The following RALYL variants were observed in gnomAD, a reference collection of about 807,000 sequenced individuals.
The protein encoded by RALYL is RALY RNA binding protein like, also known as RNA-binding Raly-like protein.
RALYL carries 29 observed loss-of-function variants against 35.1 expected under a neutral mutation model. That is an observed-to-expected ratio of 0.83 (90% confidence interval 0.61 to 1.13). The LOEUF is 1.13. RALYL is among the 50% of genes most tolerant of loss of function. The pLI is 0.00. For missense variants in RALYL, 359 were observed against 360.4 expected, an observed-to-expected ratio of 1.00 and a Z score of 0.03; for synonymous variants, 120 against 127.6, an observed-to-expected ratio of 0.94 and a Z score of 0.40.
rs940971773 is a variant in RALYL, at chr8:84,464,085, T to G, written c.-23-65214T>G. On this transcript the variant is annotated intron_variant, in intron 1 of 8. Coordinates refer to ENST00000521268, the MANE Select transcript of RALYL (RefSeq NM_173848.7). ...TTTTATTAATATATTTTTAAAGTTTTTAATTTTATTGAAGTCCAGATCATT... is the reference window on the plus strand; with the variant it reads ...TTTTATTAATATATTTTTAAAGTTTGTAATTTTATTGAAGTCCAGATCATT... Among the ~76,000 whole-genome samples the G allele has an allele frequency of 4.0e-5, 6 of 151,882 alleles. No homozygotes were observed. The South Asian group carries it at 6.2e-4, about 16-fold the overall frequency.
chr8:84,437,499 T>A (rs1031292253), intron 1 of RALYL, among the ~76,000 whole-genome samples: 1 of 152,164 alleles, frequency 6.6e-6, no homozygotes, highest in East Asian at 1.9e-4. Context: ...CCCATTTCTT[T>A]GCAGCCTCAC....
chr8:84,498,845 A>T (rs190848856), intron 1 of RALYL, among the ~76,000 whole-genome samples: 41 of 152,272 alleles, frequency 2.7e-4, no homozygotes, highest in Admixed American at 2.6e-3. Context: ...GTTAGAAAAA[A>T]TTTTAATAAC....
At chr8:84,893,884 G>A (rs1309728116) in intron 8 of RALYL, among the ~76,000 whole-genome samples, 1 of 152,186 alleles carries the variant, frequency 6.6e-6, no homozygotes, top group Non-Finnish European at 1.5e-5. Flanking sequence ...AATCTAGCAA[G>A]AATCCACAGT....
rs147456028 is a variant in RALYL at position 84,241,407 on chromosome 8, G to C, written c.-24+56983G>C. Among the ~76,000 whole-genome samples the C allele has an allele frequency of 1.2e-3, 178 of 152,206 alleles. 1 individual carries two copies. The Middle Eastern group carries it at 0.02, about 17-fold the overall frequency. ...AAGCACTGAAAAGCTCTGTGTGCTT[G>C]GTGTGGCGGCTGGAGAATGAAGAGA... On this transcript the variant is annotated intron_variant, in intron 1 of 8. Transcript: ENST00000521268.
intron 1 of RALYL, among the ~76,000 whole-genome samples, chr8:84,519,597 T>A (rs539559934): frequency 1.3e-5 from 2 of 152,354 alleles, no homozygotes; most frequent in South Asian, 4.1e-4. Flanking sequence ...CAATGGCAGA[T>A]ATACCCTAAG....
intron 1 of RALYL, among the ~76,000 whole-genome samples, chr8:84,220,084 C>T (rs1031170967): frequency 2.6e-5 from 4 of 151,940 alleles, no homozygotes; most frequent in African/African-American, 7.2e-5. Context: ...TCCTGAGTTG[C>T]GTAATTTGGA....
At chr8:84,382,897 G>A (rs1858324809) in intron 1 of RALYL, among the ~76,000 whole-genome samples, 1 of 151,568 alleles carries the variant, frequency 6.6e-6, no homozygotes, top group Non-Finnish European at 1.5e-5. Flanking sequence ...GCCACCTTAC[G>A]TGATTGTAGG....
intron 1 of RALYL, among the ~76,000 whole-genome samples, chr8:84,503,694 CA>C (rs2056909802): frequency 6.6e-6 from 1 of 151,680 alleles, no homozygotes. Flanking sequence ...ACTAAAAATA[CA>C]AAAATTAGCC....
intron 8 of RALYL, among the ~76,000 whole-genome samples, chr8:84,891,533 G>C (rs967063442): frequency 6.6e-6 from 1 of 152,114 alleles, no homozygotes. Context: ...GAAAATAGCT[G>C]ATTAGAACTG....
chr8:84,460,794 G>A (rs1300310280), intron 1 of RALYL, among the ~76,000 whole-genome samples: 1 of 151,070 alleles, frequency 6.6e-6, no homozygotes, highest in African/African-American at 2.4e-5. Flanking sequence ...ATTACTATGG[G>A]GTAATTTTTA....
At chr8:84,817,754 T>A (rs1250874832) in intron 4 of RALYL, among the ~76,000 whole-genome samples, 3 of 151,834 alleles carry the variant, frequency 2.0e-5, no homozygotes, top group Non-Finnish European at 4.4e-5. Context: ...GGGGTCTCAC[T>A]GTGTTGGACA....
At chr8:84,667,731 T>C (rs769701019) in intron 2 of RALYL, among the ~76,000 whole-genome samples, 25 of 152,118 alleles carry the variant, frequency 1.6e-4, no homozygotes, top group Non-Finnish European at 2.1e-4. Context: ...CCGGTCATCA[T>C]TGATAACTTC....
intron 4 of RALYL, among the ~76,000 whole-genome samples, chr8:84,830,618 T>C (rs1459563519): frequency 6.6e-6 from 1 of 152,148 alleles, no homozygotes; most frequent in Non-Finnish European, 1.5e-5. Flanking sequence ...TCCTCAGCTG[T>C]AAATAATATT....
rs1238404472 is a variant in RALYL at position 84,436,753 on chromosome 8, C to A, written c.-23-92546C>A. 2.0e-5 allele frequency among the ~76,000 whole-genome samples: 3 copies of A among 151,238 alleles called. No individual in the cohort carries two copies. The South Asian group carries it at 6.2e-4, about 31-fold the overall frequency. ...CACATACATCTGTGAAACTTTACTG[C>A]AAGATTATAATAAACATATCCATGA... On this transcript the variant is annotated intron_variant, in intron 1 of 8. Transcript: ENST00000521268.
At chr8:84,275,035 A>G (rs1425003620) in intron 1 of RALYL, among the ~76,000 whole-genome samples, 1 of 152,182 alleles carries the variant, frequency 6.6e-6, no homozygotes, top group Non-Finnish European at 1.5e-5. Context: ...TCTTGTACCA[A>G]TCAACTACAG....
At chr8:84,497,143 AC>A (rs2056120700) in intron 1 of RALYL, among the ~76,000 whole-genome samples, 1 of 152,106 alleles carries the variant, frequency 6.6e-6, no homozygotes, top group Non-Finnish European at 1.5e-5. Context: ...GAATTTTCCT[AC>A]CTTGTTTTAG....
At position 84,829,766 on chromosome 8, in the gene RALYL, G is replaced by A. The variant is rs181413153; in HGVS notation, c.366-20214G>A. The stretch of plus-strand genomic sequence containing the variant: ...AGCAAATACTGAACCATTGCTCCTA[G>A]CGGAAATAGAGGGCTAGATCCCTAT... On this transcript the variant is annotated intron_variant, in intron 4 of 8. Coordinates refer to ENST00000521268, the MANE Select transcript of RALYL (RefSeq NM_173848.7). Among the ~76,000 whole-genome samples the A allele has an allele frequency of 2.2e-4, 33 of 152,250 alleles. No individual in the cohort carries two copies. In the East Asian group the frequency reaches 5.6e-3, roughly 26 times the overall value.
chr8:84,312,093 A>G (rs772753584), intron 1 of RALYL, among the ~76,000 whole-genome samples: 3 of 152,210 alleles, frequency 2.0e-5, no homozygotes, highest in Non-Finnish European at 4.4e-5. Flanking sequence ...GTGAAGGGGA[A>G]GCAAGGACCT....
chr8:84,508,414 C>A (rs757124463), intron 1 of RALYL, among the ~76,000 whole-genome samples: 3 of 152,046 alleles, frequency 2.0e-5, no homozygotes, highest in Non-Finnish European at 4.4e-5. Flanking sequence ...AATATTTTAG[C>A]CTTAGTTCCT....
Sources: allele counts gnomAD v4.1 joint callset (sites outside exome capture counted in the v4.1 genomes callset), GRCh38; gene constraint gnomAD v4.1.1; transcripts MANE v1.5; gene names NCBI Gene and HGNC (gene_info 2026-07-23, HGNC 2026-07-21).